Variants in ZFYVE1 observed in about 807,000 individuals in gnomAD.
ZFYVE1 encodes the protein zinc finger FYVE domain-containing protein 1.
In ZFYVE1, 30 loss-of-function variants were observed where a neutral mutation model predicts 74.4. That is an observed-to-expected ratio of 0.40 (90% CI 0.30 to 0.55). The LOEUF is 0.55. Ranked by LOEUF, ZFYVE1 falls within the 20% of genes least tolerant of loss-of-function variation. The probability of loss-of-function intolerance (pLI) is 0.42; values close to 1 mark genes in which losing one functional copy is unlikely to be tolerated. For synonymous variants in ZFYVE1, 335 were observed against 385.1 expected (o/e 0.87, Z 1.52); for missense variants, 703 against 1,011.6 (o/e 0.69, Z 4.14).
intron 2 of ZFYVE1, among the ~76,000 whole-genome samples, chr14:73,018,430 C>CAAAAAA (rs397853346): frequency 1.1e-4 from 6 of 55,968 alleles, no homozygotes; most frequent in Admixed American, 5.9e-4. Flanking sequence ...GACTCCATCT[C>CAAAAAA]AAAAAAAAAA....
chr14:73,020,445 C>T (rs768472143), intron 2 of ZFYVE1, among the ~76,000 whole-genome samples: 8 of 152,026 alleles, frequency 5.3e-5, no homozygotes, highest in Non-Finnish European at 1.0e-4. Flanking sequence ...CTCCACTTCC[C>T]GGGTTCATGC....
chr14:72,993,352 G>A lies in ZFYVE1; in HGVS notation c.994C>T (p.Pro332Ser), dbSNP rs267604047. The stretch of plus-strand genomic sequence containing the variant: ...ATGAGCTTCTCTGGCACCTCTGAGG[G>A]ATGATCTATACAAGCAGAAACACAG... ...VHTQLLGSDH[P>S]SEVPEKLIQD... Residue 332 changes from proline to serine, a missense_variant, in exon 4 of 12, where the codon CCC (proline) becomes TCC (serine). Pro to Ser is a moderately conservative substitution (Grantham distance 74). Transcript: ENST00000556143. 2.5e-6 allele frequency: 4 copies of A among 1,612,080 alleles called. No homozygotes were observed. The South Asian group carries it at 3.3e-5, about 13-fold the overall frequency.
intron 4 of ZFYVE1, among the ~76,000 whole-genome samples, chr14:72,990,577 G>C (rs1217944268): frequency 6.7e-6 from 1 of 150,328 alleles, no homozygotes; most frequent in African/African-American, 2.4e-5. Context: ...CGTATTTTTA[G>C]TAGAGACGTG....
chr14:73,006,565 ACT>A (rs1228901066), intron 2 of ZFYVE1, among the ~76,000 whole-genome samples: 6 of 151,744 alleles, frequency 4.0e-5, no homozygotes, highest in Non-Finnish European at 2.9e-5. Flanking sequence ...ACAGAGTAAG[ACT>A]CTGTCTAAAA....
chr14:72,978,813 T>G, intron 6 of ZFYVE1, 48 bp downstream of exon 6: 1 of 1,497,440 alleles, frequency 6.7e-7, no homozygotes, highest in Non-Finnish European at 9.3e-7. Flanking sequence ...AAAGAGAGAG[T>G]GGTCAGCAAG....
At chr14:72,986,851 C>T in intron 4 of ZFYVE1, 6 of 984,048 alleles carry the variant, frequency 6.1e-6, no homozygotes, top group Non-Finnish European at 7.2e-6. Context: ...TTACATACCA[C>T]CTGATCCATA....
At position 72,992,618 on chromosome 14, in the gene ZFYVE1, C is replaced by T. The variant is rs1594845169; in HGVS notation, c.1203+525G>A. 6.4e-5 allele frequency among the ~76,000 whole-genome samples: 7 copies of T among 108,776 alleles called. 2 individuals are homozygous for T. The highest frequency in any genetic ancestry group is 7.7e-4 in the South Asian group (2 of 2,612). 71.4% of individuals were successfully genotyped at this position (108,776 alleles called of 152,430 possible). ...TGGGGGGAGGTCCCATTCAGGTGCCCCCCCCGCCCCTTGCAAGAGAGAGAG... is the reference window on the plus strand; with the variant it reads ...TGGGGGGAGGTCCCATTCAGGTGCCTCCCCCGCCCCTTGCAAGAGAGAGAG... On this transcript the variant is annotated intron_variant, in intron 4 of 11. Transcript: ENST00000556143.
At chr14:73,008,917 C>T (rs1371205446) in intron 2 of ZFYVE1, among the ~76,000 whole-genome samples, 2 of 152,108 alleles carry the variant, frequency 1.3e-5, no homozygotes, top group African/African-American at 2.4e-5. Context: ...ACTGACTCAA[C>T]CCTTCTCTTG....
At chr14:72,974,732 T>TG (rs1389990762) in intron 10 of ZFYVE1, 47 bp downstream of exon 10, 3 of 1,555,638 alleles carry the variant, frequency 1.9e-6, no homozygotes, top group Non-Finnish European at 2.6e-6. Context: ...AGGGCCAATG[T>TG]GGGAGGTTCT....
intron 4 of ZFYVE1, among the ~76,000 whole-genome samples, chr14:72,982,468 C>A (rs1893360475): frequency 6.6e-6 from 1 of 151,604 alleles, no homozygotes; most frequent in African/African-American, 2.4e-5. Context: ...ACAGACATTA[C>A]CCAAAGGACA....
intron 2 of ZFYVE1, among the ~76,000 whole-genome samples, chr14:73,006,109 CG>C (rs1893972824): frequency 6.6e-6 from 1 of 151,780 alleles, no homozygotes; most frequent in African/African-American, 2.4e-5. Flanking sequence ...TTAGTGGAGA[CG>C]GGGTTTCACC....
intron 3 of ZFYVE1, among the ~76,000 whole-genome samples, chr14:72,995,833 A>G (rs1893731501): frequency 6.6e-6 from 1 of 152,082 alleles, no homozygotes; most frequent in African/African-American, 2.4e-5. Flanking sequence ...TACTCTGTGC[A>G]CTTCCCTCCT....
chr14:72,987,612 G>C (rs752361372), intron 4 of ZFYVE1, among the ~76,000 whole-genome samples: 10 of 152,154 alleles, frequency 6.6e-5, no homozygotes, highest in Non-Finnish European at 1.3e-4. Context: ...ACTATGAAAT[G>C]GTTCTCCCAA....
intron 3 of ZFYVE1, among the ~76,000 whole-genome samples, chr14:72,994,082 G>C (rs1311410800): frequency 6.6e-6 from 1 of 151,162 alleles, no homozygotes; most frequent in East Asian, 1.9e-4. Context: ...CAGCACTTTG[G>C]GAAGCTGAGG....
rs925969542 is a variant in ZFYVE1, at chr14:73,026,958, CG to C, written c.-468del. 48 of 398,752 alleles carry C rather than the reference CG, an allele frequency of 1.2e-4. No homozygotes were observed. Among genetic ancestry groups the C allele is most frequent in the Non-Finnish European group, 2.0e-4 (45 of 226,342 alleles). The allele number at this position is 398,752 out of a possible 1,614,324, so 24.7% of individuals were successfully genotyped here. A position where few individuals can be genotyped will look rare whatever the true frequency, so the allele number is the denominator to read the frequency against. On this transcript the variant is annotated 5_prime_UTR_variant, in exon 1 of 12. Coordinates refer to ENST00000556143, the MANE Select transcript of ZFYVE1 (RefSeq NM_021260.4). ...AAGCTCGGCCGCAGCAAGGCGGCGTCGGGGGGCCGCAGGGCGCCAGTGGGGG... is the reference window on the plus strand; with the variant it reads ...AAGCTCGGCCGCAGCAAGGCGGCGTCGGGGGCCGCAGGGCGCCAGTGGGGG...
chr14:72,998,652 G>A lies in ZFYVE1; in HGVS notation c.484-337C>T, dbSNP rs373716866. 4.4e-4 allele frequency among the ~76,000 whole-genome samples: 67 copies of A among 152,266 alleles called. 4 individuals are homozygous for A. In the South Asian group the frequency reaches 0.013, roughly 31 times the overall value. ...CTTTGTGACTTTGGATTAGTCTATA[G>A]TTCCTTAGATAGGACAACACAAGCA... On this transcript the variant is annotated intron_variant, in intron 2 of 11. Transcript: ENST00000556143.
chr14:72,980,456 C>T (rs963394542), intron 5 of ZFYVE1, among the ~76,000 whole-genome samples: 1 of 152,196 alleles, frequency 6.6e-6, no homozygotes. Flanking sequence ...ACTGATTTAA[C>T]AGCCATCAAC....
At chr14:73,025,316 G>T (rs1439639486) in intron 1 of ZFYVE1, among the ~76,000 whole-genome samples, 1 of 151,754 alleles carries the variant, frequency 6.6e-6, no homozygotes, top group Admixed American at 6.6e-5. Context: ...TGATCTGCCC[G>T]CCTTGGCCTC....
chr14:72,970,065 G>A lies in ZFYVE1; in HGVS notation c.*817C>T. 1 of 334,388 alleles carries A rather than the reference G, an allele frequency of 3.0e-6. No homozygotes were observed. The highest frequency in any genetic ancestry group is 5.5e-6 in the Non-Finnish European group (1 of 182,982). The allele number at this position is 334,388 out of a possible 1,614,324, so 20.7% of individuals were successfully genotyped here. A position where few individuals can be genotyped will look rare whatever the true frequency, so the allele number is the denominator to read the frequency against. On this transcript the variant is annotated 3_prime_UTR_variant, in exon 12 of 12. Transcript: ENST00000556143. ...GCAGATGCTTCGATTGAGGAGCTGG[G>A]TGCCGCCTTTTGGGAAAGCCGAGTG...
Sources: gnomAD v4.1 joint callset for allele counts (sites outside exome capture counted in the v4.1 genomes callset) on GRCh38, gnomAD v4.1.1 for gene constraint, MANE v1.5 for transcripts, NCBI Gene and HGNC (gene_info 2026-07-23, HGNC 2026-07-21) for gene names.